Variants in ZFHX3 observed in about 807,000 individuals in gnomAD.
ZFHX3 encodes zinc finger homeobox protein 3.
ZFHX3 carries 42 observed loss-of-function variants against 279.1 expected under a neutral mutation model. The ratio of observed to expected loss-of-function variants is 0.15; its 90% CI spans 0.12 to 0.19. ZFHX3 has a LOEUF of 0.19. ZFHX3 is among the 10% of genes least tolerant of loss of function. The pLI, the probability that ZFHX3 is intolerant of heterozygous loss-of-function variation, is 1.00. For synonymous variants in ZFHX3, 2,293 were observed against 1,957.8 expected, an observed-to-expected ratio of 1.17 and a Z score of -4.52; for missense variants, 4,981 against 4,754.0, an observed-to-expected ratio of 1.05 and a Z score of -1.40.
chr16:73,037,740 G>GC (rs1391417934), intron 1 of ZFHX3, among the ~76,000 whole-genome samples: 4 of 152,102 alleles, frequency 2.6e-5, no homozygotes, highest in Non-Finnish European at 5.9e-5. Flanking sequence ...AATATGAACA[G>GC]CCCTTCGTGT....
At chr16:73,710,680 C>T (rs949475520) in intron 1 of ZFHX3, among the ~76,000 whole-genome samples, 8 of 152,200 alleles carry the variant, frequency 5.3e-5, no homozygotes, top group African/African-American at 1.9e-4. Flanking sequence ...CAGCACCTGC[C>T]TCCCGTTGTC....
intron 2 of ZFHX3, among the ~76,000 whole-genome samples, chr16:73,638,351 A>G (rs1402717090): frequency 6.6e-6 from 1 of 152,234 alleles, no homozygotes; most frequent in African/African-American, 2.4e-5. Context: ...TGGATTGTCA[A>G]GGAGCACGAA....
At position 73,815,111 on chromosome 16, in the gene ZFHX3, G is replaced by C. The variant is rs1202804682; in HGVS notation, c.-1608+76540C>G. Among the ~76,000 whole-genome samples the C allele has an allele frequency of 2.6e-5, 4 of 152,162 alleles. No homozygotes were observed. The East Asian group carries it at 7.7e-4, about 29-fold the overall frequency. ...TGCAAAGCACTTAACCCAAAGCCTA[G>C]CTTACAGAACGCACTCAACAAGTAG... On this transcript the variant is annotated intron_variant, in intron 1 of 17. Transcript: ENST00000641206.
chr16:73,261,577 G>A (rs1814063021), intron 4 of ZFHX3, among the ~76,000 whole-genome samples: 2 of 151,508 alleles, frequency 1.3e-5, no homozygotes, highest in Non-Finnish European at 2.9e-5. Flanking sequence ...ATCAGAAGGG[G>A]AATTCTGTTT....
chr16:73,386,255 A>C (rs769596977), intron 3 of ZFHX3, among the ~76,000 whole-genome samples: 2 of 151,866 alleles, frequency 1.3e-5, no homozygotes, highest in African/African-American at 2.4e-5. Context: ...ACAACTTTCA[A>C]CTAGTAAGCA....
At chr16:73,881,433 TCACACACACACA>T (rs10538063) in intron 1 of ZFHX3, among the ~76,000 whole-genome samples, 1 of 101,004 alleles carries the variant, frequency 9.9e-6, no homozygotes, top group Non-Finnish European at 1.9e-5. Flanking sequence ...ATGATCACAC[TCACACACACACA>T]CACACACACT....
intron 4 of ZFHX3, among the ~76,000 whole-genome samples, chr16:73,270,337 C>T (rs1038409132): frequency 2.0e-5 from 3 of 152,068 alleles, no homozygotes; most frequent in African/African-American, 4.8e-5. Flanking sequence ...CAAATCTCTC[C>T]CACGTGCTTA....
intron 1 of ZFHX3, among the ~76,000 whole-genome samples, chr16:73,857,222 T>C (rs749723762): frequency 1.3e-5 from 2 of 152,238 alleles, no homozygotes; most frequent in Non-Finnish European, 2.9e-5. Flanking sequence ...TCTATTAAAT[T>C]AGGGCTTAGA....
chr16:73,524,594 A>G (rs1567509253), intron 2 of ZFHX3, among the ~76,000 whole-genome samples: 1 of 152,142 alleles, frequency 6.6e-6, no homozygotes, highest in African/African-American at 2.4e-5. Flanking sequence ...TAATTCCAGC[A>G]CTCAACGCAT....
intron 3 of ZFHX3, among the ~76,000 whole-genome samples, chr16:73,426,705 A>C (rs1276448966): frequency 6.6e-6 from 1 of 152,156 alleles, no homozygotes; most frequent in Non-Finnish European, 1.5e-5. Flanking sequence ...ATAAACCAAC[A>C]TGCTATTGAG....
intron 7 of ZFHX3, among the ~76,000 whole-genome samples, chr16:73,113,273 T>C (rs1966398696): frequency 6.6e-6 from 1 of 152,034 alleles, no homozygotes; most frequent in Non-Finnish European, 1.5e-5. Context: ...AGACATTATA[T>C]ATTCCTAGGA....
chr16:73,771,898 G>T (rs933988039), intron 1 of ZFHX3, among the ~76,000 whole-genome samples: 1 of 151,754 alleles, frequency 6.6e-6, no homozygotes, highest in Non-Finnish European at 1.5e-5. Context: ...AGTATTTATA[G>T]ACTGTGGTCA....
chr16:73,246,830 C>A (rs1259707617), intron 5 of ZFHX3, among the ~76,000 whole-genome samples: 1 of 152,116 alleles, frequency 6.6e-6, no homozygotes, highest in Non-Finnish European at 1.5e-5. Context: ...TTCTTTCATT[C>A]TTGACTGGTT....
chr16:73,261,040 T>G (rs1440045084), intron 4 of ZFHX3, among the ~76,000 whole-genome samples: 1 of 152,212 alleles, frequency 6.6e-6, no homozygotes, highest in Non-Finnish European at 1.5e-5. Flanking sequence ...GCAGCAGATA[T>G]GCCCACACAC....
intron 3 of ZFHX3, among the ~76,000 whole-genome samples, chr16:72,930,398 A>C (rs1959720815): frequency 6.6e-6 from 1 of 152,160 alleles, no homozygotes; most frequent in African/African-American, 2.4e-5. Flanking sequence ...AGGGGAAAAA[A>C]GAAAAATAAA....
chr16:72,919,777 C>CTTT (rs532405250), intron 3 of ZFHX3, among the ~76,000 whole-genome samples: 3,770 of 42,264 alleles, frequency 0.089, 1,357 homozygotes, highest in East Asian at 0.17. Context: ...TATGCACCAT[C>CTTT]TTTTTTTTTT....
intron 3 of ZFHX3, among the ~76,000 whole-genome samples, chr16:73,441,188 T>A (rs2018086892): frequency 6.6e-6 from 1 of 152,200 alleles, no homozygotes; most frequent in African/African-American, 2.4e-5. Context: ...ATTTATTTTC[T>A]ATTTAGCAGC....
At chr16:72,974,352 T>C (rs1342671566) in intron 1 of ZFHX3, among the ~76,000 whole-genome samples, 1 of 152,140 alleles carries the variant, frequency 6.6e-6, no homozygotes, top group Non-Finnish European at 1.5e-5. Context: ...GGGGAAAACC[T>C]GTAAGGGTGA....
At chr16:73,665,440 C>A (rs9939138) in intron 2 of ZFHX3, among the ~76,000 whole-genome samples, 15 of 151,740 alleles carry the variant, frequency 9.9e-5, no homozygotes, top group African/African-American at 3.7e-4. Context: ...CCTCGAACTC[C>A]TGACCTCAAG....
Sources: gnomAD v4.1 joint callset for allele counts (sites outside exome capture counted in the v4.1 genomes callset) on GRCh38, gnomAD v4.1.1 for gene constraint, MANE v1.5 for transcripts, NCBI Gene and HGNC (gene_info 2026-07-23, HGNC 2026-07-21) for gene names.